SCMH1: variants seen among roughly 807,000 people sequenced by gnomAD.
The protein encoded by SCMH1 is polycomb protein SCMH1.
In SCMH1, 37 loss-of-function variants were observed where a neutral mutation model predicts 70.8. That is an observed-to-expected ratio of 0.52 (90% confidence interval 0.40 to 0.69). The LOEUF (loss-of-function observed/expected upper bound fraction) is 0.69, where lower values mean the gene tolerates loss of function less well. SCMH1 is among the 30% of genes least tolerant of loss of function. SCMH1 has a pLI of 0.00. For missense variants in SCMH1, 607 were observed against 827.3 expected, an observed-to-expected ratio of 0.73 and a Z score of 3.27; for synonymous variants, 292 against 307.4, an observed-to-expected ratio of 0.95 and a Z score of 0.52.
chr1:41,072,211 GCTT>G (rs1656780299), intron 9 of SCMH1, among the ~76,000 whole-genome samples: 2 of 152,176 alleles, frequency 1.3e-5, no homozygotes, highest in South Asian at 2.1e-4. Flanking sequence ...ATCTGCTCAT[GCTT>G]TTTTACTGCT....
At chr1:41,185,954 C>A in intron 2 of SCMH1, 167 bp downstream of exon 2, 1 of 547,716 alleles carries the variant, frequency 1.8e-6, no homozygotes, top group South Asian at 4.1e-5. Context: ...AAACTTCAGA[C>A]CTCCTCTCCC....
intron 10 of SCMH1, among the ~76,000 whole-genome samples, chr1:41,049,568 G>C (rs893798220): frequency 6.6e-6 from 1 of 150,614 alleles, no homozygotes; most frequent in South Asian, 2.1e-4. Context: ...TCAGGAGTTC[G>C]AGATCAGCCT....
chr1:41,035,101 G>A (rs1645102585), intron 13 of SCMH1, among the ~76,000 whole-genome samples: 1 of 152,116 alleles, frequency 6.6e-6, no homozygotes, highest in Non-Finnish European at 1.5e-5. Context: ...CATCTTTTCA[G>A]CTCTCTTGGG....
In SCMH1 at chr1:41,210,067, AACAG is replaced by A. The variant is rs529650781; in HGVS notation, c.-117-23821_-117-23818del. 1.8e-3 allele frequency among the ~76,000 whole-genome samples: 281 copies of A among 152,136 alleles called. 1 individual carries two copies. The highest frequency in any genetic ancestry group is 6.1e-3 in the African/African-American group (254 of 41,536). ...ATCACAAGCATTCCTATATATCAAT[AACAG>A]ACAGAGACCCAAATCATGAGTGAAC... On this transcript the variant is annotated intron_variant, in intron 1 of 14. Coordinates refer to ENST00000337495, the Ensembl canonical transcript of SCMH1.
At chr1:41,035,660 A>G (rs1300206643) in intron 13 of SCMH1, among the ~76,000 whole-genome samples, 1 of 152,134 alleles carries the variant, frequency 6.6e-6, no homozygotes, top group African/African-American at 2.4e-5. Flanking sequence ...CCACTCCTGA[A>G]GCCTAACTTT....
intron 13 of SCMH1, 144 bp downstream of exon 14, chr1:41,033,838 TG>T: frequency 1.8e-6 from 2 of 1,101,896 alleles, no homozygotes; most frequent in Non-Finnish European, 2.6e-6. Context: ...GACAGACTCA[TG>T]GTGGGTTTCC....
intron 8 of SCMH1, among the ~76,000 whole-genome samples, chr1:41,078,261 T>G (rs563512055): frequency 4.0e-5 from 6 of 151,888 alleles, no homozygotes; most frequent in Non-Finnish European, 7.4e-5. Context: ...ACACAGTCAA[T>G]AGGTCCAAAA....
intron 10 of SCMH1, among the ~76,000 whole-genome samples, chr1:41,068,649 G>A (rs111373347): frequency 0.078 from 11,878 of 152,080 alleles, 601 homozygotes; most frequent in South Asian, 0.13. Context: ...CAAGTAATCC[G>A]TCCGTCTTGG....
At chr1:41,177,302 G>A (rs1003554404) in intron 2 of SCMH1, among the ~76,000 whole-genome samples, 2 of 152,174 alleles carry the variant, frequency 1.3e-5, no homozygotes, top group Non-Finnish European at 2.9e-5. Flanking sequence ...AAACAGAGCA[G>A]AAAAACTGGA....
intron 6 of SCMH1, among the ~76,000 whole-genome samples, chr1:41,119,469 C>T (rs1021108497): frequency 2.1e-4 from 32 of 151,852 alleles, no homozygotes; most frequent in African/African-American, 7.5e-4. Flanking sequence ...AAAACCCCAC[C>T]GTAACTCCAC....
intron 1 of SCMH1, among the ~76,000 whole-genome samples, chr1:41,232,906 C>T (rs569490135): frequency 6.6e-6 from 1 of 152,238 alleles, no homozygotes; most frequent in African/African-American, 2.4e-5. Flanking sequence ...TTTGCTTTTT[C>T]GAGCACCTAA....
intron 6 of SCMH1, among the ~76,000 whole-genome samples, chr1:41,141,008 T>C (rs2148203986): frequency 6.6e-6 from 1 of 152,312 alleles, no homozygotes; most frequent in Non-Finnish European, 1.5e-5. Flanking sequence ...TTAAATATTT[T>C]TGGAGGATGC....
intron 8 of SCMH1, among the ~76,000 whole-genome samples, chr1:41,109,328 T>C (rs1668709185): frequency 6.6e-6 from 1 of 152,220 alleles, no homozygotes; most frequent in Non-Finnish European, 1.5e-5. Context: ...CAGGAAACAT[T>C]ATCTTACTCT....
chr1:41,125,800 C>A (rs1409797376), intron 6 of SCMH1, among the ~76,000 whole-genome samples: 1 of 152,190 alleles, frequency 6.6e-6, no homozygotes, highest in African/African-American at 2.4e-5. Context: ...TGGTCTCGAA[C>A]TCCTAGGCTT....
At chr1:41,183,103 C>G (rs951997305) in intron 2 of SCMH1, among the ~76,000 whole-genome samples, 14 of 152,160 alleles carry the variant, frequency 9.2e-5, no homozygotes, top group African/African-American at 3.1e-4. Context: ...CATAACAAAT[C>G]AGAAACCTGT....
intron 8 of SCMH1, among the ~76,000 whole-genome samples, chr1:41,097,374 T>C (rs879583660): frequency 2.0e-5 from 3 of 152,258 alleles, no homozygotes; most frequent in Non-Finnish European, 2.9e-5. Context: ...AGTCTGCTTC[T>C]AGTTTTAGGA....
intron 6 of SCMH1, among the ~76,000 whole-genome samples, chr1:41,130,640 C>T (rs909521806): frequency 6.6e-6 from 1 of 152,136 alleles, no homozygotes; most frequent in South Asian, 2.1e-4. Context: ...CTTCACAATT[C>T]ACACACCATA....
At chr1:41,144,269 C>T (rs1644358863) in intron 5 of SCMH1, among the ~76,000 whole-genome samples, 2 of 152,148 alleles carry the variant, frequency 1.3e-5, no homozygotes, top group Admixed American at 1.3e-4. Context: ...ATTACCCTCT[C>T]AGCCCAGTCC....
At chr1:41,039,479 C>T (rs1645793662) in intron 12 of SCMH1, among the ~76,000 whole-genome samples, 1 of 145,482 alleles carries the variant, frequency 6.9e-6, no homozygotes, top group African/African-American at 2.5e-5. Context: ...ATTGCAAATA[C>T]TTTTTTTTTT....
Sources: gnomAD v4.1 joint callset for allele counts (sites outside exome capture counted in the v4.1 genomes callset) on GRCh38, gnomAD v4.1.1 for gene constraint, MANE v1.5 for transcripts, NCBI Gene and HGNC (gene_info 2026-07-23, HGNC 2026-07-21) for gene names.